HFM1: variants seen among roughly 807,000 people sequenced by gnomAD.
HFM1 encodes probable ATP-dependent DNA helicase HFM1.
Under a neutral mutation model 192.1 loss-of-function variants are expected in HFM1, and 169 were observed. That is an observed-to-expected ratio of 0.88 (90% confidence interval 0.78 to 1.00). HFM1 has a LOEUF of 1.00. HFM1 is among the 50% of genes least tolerant of loss of function. The pLI is 0.00. For missense variants in HFM1, 1,661 were observed against 1,668.0 expected, an observed-to-expected ratio of 1.00 and a Z score of 0.07; for synonymous variants, 525 against 537.8, an observed-to-expected ratio of 0.98 and a Z score of 0.33.
At position 91,300,230 on chromosome 1, in the gene HFM1, C is replaced by A. The variant is rs181855920; in HGVS notation, c.3391+13119G>T. Among the ~76,000 whole-genome samples the A allele has an allele frequency of 1.6e-4, 24 of 152,264 alleles. No individual in the cohort carries two copies. The East Asian group carries it at 3.9e-3, about 24-fold the overall frequency. ...ACACATACACCCTCCCAAGACTAAACCAGGAAGAAGCTGAATCTCTGAATA... is the reference window on the plus strand; with the variant it reads ...ACACATACACCCTCCCAAGACTAAAACAGGAAGAAGCTGAATCTCTGAATA... On this transcript the variant is annotated intron_variant, in intron 30 of 38. Transcript: ENST00000370425.
intron 30 of HFM1, among the ~76,000 whole-genome samples, chr1:91,284,724 A>C (rs953625993): frequency 6.6e-6 from 1 of 152,212 alleles, no homozygotes; most frequent in Non-Finnish European, 1.5e-5. Flanking sequence ...AAAATTTTTT[A>C]ATTTTTGTTT....
upstream of HFM1, among the ~76,000 whole-genome samples, chr1:91,407,062 T>C (rs1303867232): frequency 6.6e-6 from 1 of 152,208 alleles, no homozygotes; most frequent in African/African-American, 2.4e-5. Context: ...TTTAACCATA[T>C]ATAAGTGTAT....
intron 38 of HFM1, chr1:91,261,584 A>T: frequency 6.6e-6 from 2 of 301,156 alleles, no homozygotes; most frequent in Non-Finnish European, 1.2e-5. Context: ...TATTTCTTTA[A>T]ATATATTGAA....
chr1:91,278,996 T>C (rs1667213982), intron 30 of HFM1, among the ~76,000 whole-genome samples: 1 of 152,094 alleles, frequency 6.6e-6, no homozygotes, highest in South Asian at 2.1e-4. Flanking sequence ...GACTACTATT[T>C]TTTAAATCCT....
chr1:91,265,816 T>A (rs1380460591), intron 36 of HFM1, among the ~76,000 whole-genome samples: 1 of 152,162 alleles, frequency 6.6e-6, no homozygotes, highest in African/African-American at 2.4e-5. Context: ...AATGTGCATT[T>A]TTAATATGCA....
intron 30 of HFM1, among the ~76,000 whole-genome samples, chr1:91,291,933 C>G (rs540891701): frequency 1.3e-5 from 2 of 152,270 alleles, no homozygotes; most frequent in East Asian, 3.9e-4. Flanking sequence ...AGCATATAAA[C>G]AGAACCAAGA....
intron 20 of HFM1, among the ~76,000 whole-genome samples, chr1:91,336,958 T>C (rs1378289790): frequency 4.6e-5 from 7 of 152,206 alleles, no homozygotes; most frequent in Non-Finnish European, 1.0e-4. Context: ...GAAGCCGTTA[T>C]CCTCAGCAAA....
intron 11 of HFM1, among the ~76,000 whole-genome samples, chr1:91,377,061 T>G (rs1002284073): frequency 3.5e-5 from 5 of 144,318 alleles, no homozygotes; most frequent in Admixed American, 7.2e-5. Context: ...TGAAGAATAT[T>G]TAATGATATA....
chr1:91,329,099 T>G, intron 20 of HFM1: 2 of 1,610,336 alleles, frequency 1.2e-6, no homozygotes, highest in South Asian at 2.2e-5. Flanking sequence ...TCTGGAGTAT[T>G]GGGCCCAAGC....
intron 6 of HFM1, among the ~76,000 whole-genome samples, chr1:91,384,259 T>G (rs566143603): frequency 1.3e-5 from 2 of 152,294 alleles, no homozygotes; most frequent in South Asian, 4.1e-4. Flanking sequence ...AAATAAGTCA[T>G]GATGTTTGCC....
In HFM1 at chr1:91,262,298, T is replaced by C; in HGVS notation, c.4181A>G (p.Tyr1394Cys). The C allele has an allele frequency of 6.7e-7, 1 of 1,498,384 alleles. No individual in the cohort carries two copies. The highest frequency in any genetic ancestry group is 9.1e-7 in the Non-Finnish European group (1 of 1,097,192). 92.8% of individuals were successfully genotyped at this position (1,498,384 alleles called of 1,614,324 possible). ...TCTAATAAAAAAATCCACTTTTTTA[T>C]AATTTGAAGAATTTGGGTTTTTTTC... ...FSEKNPNSSN[Y>C]KKVDFFIRNS... Residue 1394 changes from tyrosine to cysteine, a missense_variant, in exon 38 of 39, where the codon TAT (tyrosine) becomes TGT (cysteine). Coordinates refer to ENST00000370425, the MANE Select transcript of HFM1 (RefSeq NM_001017975.6).
At chr1:91,302,308 A>C (rs1648911566) in intron 30 of HFM1, among the ~76,000 whole-genome samples, 1 of 151,938 alleles carries the variant, frequency 6.6e-6, no homozygotes, top group African/African-American at 2.4e-5. Context: ...GATGTGGAGA[A>C]ATAGGAACAC....
intron 20 of HFM1, among the ~76,000 whole-genome samples, chr1:91,333,504 A>G (rs1654120578): frequency 6.8e-6 from 1 of 146,248 alleles, no homozygotes; most frequent in African/African-American, 2.4e-5. Context: ...GTTAATGGGT[A>G]CAAAAATAAA....
intron 4 of HFM1, among the ~76,000 whole-genome samples, chr1:91,393,738 AAG>A (rs1491149742): frequency 0.028 from 4,252 of 152,180 alleles, 85 homozygotes; most frequent in African/African-American, 0.041. Flanking sequence ...TGAACTCTTA[AAG>A]AAAAGAAAGT....
chr1:91,261,243 G>C lies in HFM1; in HGVS notation c.*47C>G. ...AAATAAAAAGCATGCTTTGTGATTAGGTGTCTTTATTCTTTCTCTTATCAA... is the reference window on the plus strand; with the variant it reads ...AAATAAAAAGCATGCTTTGTGATTACGTGTCTTTATTCTTTCTCTTATCAA... On this transcript the variant is annotated 3_prime_UTR_variant, in exon 39 of 39. Coordinates refer to ENST00000370425, the MANE Select transcript of HFM1 (RefSeq NM_001017975.6). 1 of 767,342 alleles carries C rather than the reference G, an allele frequency of 1.3e-6. No homozygotes were observed. Among genetic ancestry groups the C allele is most frequent in the Non-Finnish European group, 1.9e-6 (1 of 527,086 alleles). The allele number at this position is 767,342 out of a possible 1,614,324, so 47.5% of individuals were successfully genotyped here.
At chr1:91,285,829 G>C (rs985312153) in intron 30 of HFM1, among the ~76,000 whole-genome samples, 2 of 152,124 alleles carry the variant, frequency 1.3e-5, no homozygotes, top group Non-Finnish European at 2.9e-5. Context: ...TAGAATCTCA[G>C]GCTGTCCCAC....
intron 30 of HFM1, among the ~76,000 whole-genome samples, chr1:91,291,887 G>A (rs371746005): frequency 6.6e-6 from 1 of 152,120 alleles, no homozygotes; most frequent in Admixed American, 6.5e-5. Flanking sequence ...GGGATGCAAG[G>A]CTGGTTCAAT....
In HFM1 at chr1:91,316,107, C is replaced by T; in HGVS notation, c.2976G>A (p.Val992=). Residue 992 remains valine (V), a synonymous_variant, in exon 27 of 39, where the codon GTG becomes GTA. Transcript: ENST00000370425. ...VMYLPKYELK[V]EQITRYSDTT... ...AGAAACAGAAAATATTTACCTGTTC[C>T]ACTTTAAGTTCATATTTTGGTAGAT... The T allele has an allele frequency of 6.4e-7, 1 of 1,571,448 alleles. No homozygotes were observed. Among genetic ancestry groups the T allele is most frequent in the Non-Finnish European group, 8.7e-7 (1 of 1,146,510 alleles).
chr1:91,328,335 C>T (rs1363832612), intron 20 of HFM1: 5 of 1,506,440 alleles, frequency 3.3e-6, no homozygotes, highest in Non-Finnish European at 4.5e-6. Context: ...CTTTAGCCGC[C>T]GAGGCCTCGT....
Sources: allele counts gnomAD v4.1 joint callset (sites outside exome capture counted in the v4.1 genomes callset), GRCh38; gene constraint gnomAD v4.1.1; transcripts MANE v1.5; gene names NCBI Gene and HGNC (gene_info 2026-07-23, HGNC 2026-07-21).